The following CREB5 variants were observed in gnomAD, a reference collection of about 807,000 sequenced individuals.
CREB5 encodes the protein cyclic AMP-responsive element-binding protein 5.
A neutral mutation model predicts 57.1 loss-of-function variants in CREB5; 19 were observed. The ratio of observed to expected loss-of-function variants is 0.33; its 90% CI spans 0.23 to 0.49. The LOEUF (loss-of-function observed/expected upper bound fraction) is 0.49. Among genes scored for constraint, CREB5 ranks in the 20% least tolerant of loss-of-function variants. The pLI is 0.99. For missense variants in CREB5, 579 were observed against 671.6 expected, an observed-to-expected ratio of 0.86 and a Z score of 1.52; for synonymous variants, 238 against 238.3, an observed-to-expected ratio of 1.00 and a Z score of 0.01.
chr7:28,692,511 G>A (rs112238189), intron 5 of CREB5, among the ~76,000 whole-genome samples: 45 of 152,288 alleles, frequency 3.0e-4, no homozygotes, highest in African/African-American at 1.0e-3. Context: ...GATTTAAAAG[G>A]CCTGGATTCA....
chr7:28,545,642 G>A (rs1032963841), intron 4 of CREB5, among the ~76,000 whole-genome samples: 4 of 152,112 alleles, frequency 2.6e-5, no homozygotes, highest in Non-Finnish European at 5.9e-5. Context: ...TATTAAAATT[G>A]TTTTCAAACC....
At chr7:28,513,991 A>C (rs1328443068) in intron 4 of CREB5, among the ~76,000 whole-genome samples, 1 of 152,110 alleles carries the variant, frequency 6.6e-6, no homozygotes, top group African/African-American at 2.4e-5. Flanking sequence ...CAAAGAGTGG[A>C]CACTTAATAT....
At chr7:28,646,872 A>G (rs1798909154) in intron 5 of CREB5, among the ~76,000 whole-genome samples, 1 of 152,056 alleles carries the variant, frequency 6.6e-6, no homozygotes, top group Non-Finnish European at 1.5e-5. Context: ...AGTAGCTACC[A>G]GTACAACAAC....
intron 1 of CREB5, among the ~76,000 whole-genome samples, chr7:28,479,661 C>A (rs1251237138): frequency 1.3e-5 from 2 of 152,168 alleles, no homozygotes; most frequent in East Asian, 3.9e-4. Context: ...AGGCTCAGAA[C>A]ACAACTGCTG....
rs1236994986 is a variant in CREB5 at position 28,551,710 on chromosome 7, A to G, written c.292-18655A>G. ...TTGGTGAGTCGGGAGGGGACAAGGG[A>G]GGAGAACTCACTGTCTCAGGCCTCC... On this transcript the variant is annotated intron_variant, in intron 4 of 10. Transcript: ENST00000357727. 2.6e-5 allele frequency among the ~76,000 whole-genome samples: 4 copies of G among 152,090 alleles called. No homozygotes were observed. The East Asian group carries it at 7.7e-4, about 29-fold the overall frequency.
chr7:28,612,443 T>G (rs1583417478), intron 5 of CREB5, among the ~76,000 whole-genome samples: 1 of 152,092 alleles, frequency 6.6e-6, no homozygotes. Flanking sequence ...AAAAAATGTA[T>G]GCTGTGCTGA....
At position 28,786,751 on chromosome 7, in the gene CREB5, G is replaced by C. The variant is rs1005223065; in HGVS notation, c.703-17448G>C. On this transcript the variant is annotated intron_variant, in intron 7 of 10. Transcript: ENST00000357727. ...TTTGGTTGATTGTTTGAAAATTGAA[G>C]TATTAAAGCCACTACCTAACTCAGG... Among the ~76,000 whole-genome samples the C allele has an allele frequency of 3.3e-5, 5 of 152,206 alleles. No homozygotes were observed. The South Asian group carries it at 1.0e-3, about 32-fold the overall frequency.
chr7:28,419,973 C>T (rs1406486758), intron 1 of CREB5, among the ~76,000 whole-genome samples: 2 of 152,162 alleles, frequency 1.3e-5, no homozygotes, highest in Non-Finnish European at 2.9e-5. Flanking sequence ...CATGAAGCAG[C>T]ATGTAATTTG....
intron 5 of CREB5, among the ~76,000 whole-genome samples, chr7:28,686,812 T>C (rs1800957655): frequency 6.6e-6 from 1 of 152,230 alleles, no homozygotes; most frequent in Non-Finnish European, 1.5e-5. Context: ...ACGCTCCTTT[T>C]TTATCTTTTA....
At chr7:28,651,860 T>A (rs551805503) in intron 5 of CREB5, among the ~76,000 whole-genome samples, 34 of 152,202 alleles carry the variant, frequency 2.2e-4, no homozygotes, top group Admixed American at 8.5e-4. Context: ...AAACTCATGG[T>A]TCTAGGTAGC....
At chr7:28,518,617 T>C (rs1190117780) in intron 4 of CREB5, among the ~76,000 whole-genome samples, 3 of 152,178 alleles carry the variant, frequency 2.0e-5, no homozygotes, top group Non-Finnish European at 4.4e-5. Context: ...GTGGTGGGCA[T>C]GCGAGTCCCA....
At chr7:28,408,229 C>G (rs1787631752), upstream of CREB5, among the ~76,000 whole-genome samples, 1 of 152,164 alleles carries the variant, frequency 6.6e-6, no homozygotes, top group Non-Finnish European at 1.5e-5. Context: ...ATTATAATAC[C>G]TGTCCTACTT....
chr7:28,468,300 C>T (rs1030650232), intron 1 of CREB5, among the ~76,000 whole-genome samples: 2 of 152,196 alleles, frequency 1.3e-5, no homozygotes, highest in Admixed American at 6.5e-5. Flanking sequence ...GGAAAGTTCA[C>T]GGTCACTGCA....
chr7:28,822,021 A>G lies in CREB5; in HGVS notation c.*2742A>G, dbSNP rs1809797191. On this transcript the variant is annotated 3_prime_UTR_variant, in exon 11 of 11. Coordinates refer to ENST00000357727, the MANE Select transcript of CREB5 (RefSeq NM_182898.4). Reference sequence around the variant, plus strand: ...GTTAGGCTGAAAGCCTCGGCAGTTAAGAACTTGCCTGAGTTTTCTTCGTTC... The same window carrying G: ...GTTAGGCTGAAAGCCTCGGCAGTTAGGAACTTGCCTGAGTTTTCTTCGTTC... 1 of 152,612 alleles carries G rather than the reference A, an allele frequency of 6.6e-6. No homozygotes were observed. Among genetic ancestry groups the G allele is most frequent in the Admixed American group, 6.5e-5 (1 of 15,290 alleles). 9.5% of individuals were successfully genotyped at this position (152,612 alleles called of 1,614,324 possible). A position where few individuals can be genotyped will look rare whatever the true frequency, so the allele number is the denominator to read the frequency against.
chr7:28,626,166 C>A (rs536128497), intron 5 of CREB5, among the ~76,000 whole-genome samples: 41 of 152,284 alleles, frequency 2.7e-4, no homozygotes, highest in South Asian at 1.0e-3. Flanking sequence ...GTAGAGATCA[C>A]TACATAAGTC....
chr7:28,560,915 C>CGCGCGTGCGTGCGCGT (rs1795176026), intron 4 of CREB5, among the ~76,000 whole-genome samples: 1 of 16,876 alleles, frequency 5.9e-5, no homozygotes, highest in Admixed American at 5.7e-4. Context: ...CGTGCGTGTG[C>CGCGCGTGCGTGCGCGT]GTGTGTGCGC....
intron 5 of CREB5, among the ~76,000 whole-genome samples, chr7:28,610,938 C>T (rs893652854): frequency 6.6e-6 from 1 of 150,558 alleles, no homozygotes; most frequent in African/African-American, 2.4e-5. Flanking sequence ...TTATGTATGG[C>T]TGTCTGTGGG....
intron 1 of CREB5, among the ~76,000 whole-genome samples, chr7:28,312,135 T>C (rs944845338): frequency 9.9e-5 from 15 of 152,036 alleles, no homozygotes; most frequent in Non-Finnish European, 1.8e-4. Flanking sequence ...TGCTCTTCCT[T>C]TGGGGTCATT....
chr7:28,372,094 C>A (rs1271418630), intron 1 of CREB5, among the ~76,000 whole-genome samples: 1 of 152,184 alleles, frequency 6.6e-6, no homozygotes, highest in African/African-American at 2.4e-5. Flanking sequence ...TCAGGTCACA[C>A]TAGCTCTGTG....
Sources: gnomAD v4.1 joint callset for allele counts (sites outside exome capture counted in the v4.1 genomes callset) on GRCh38, gnomAD v4.1.1 for gene constraint, MANE v1.5 for transcripts, NCBI Gene and HGNC (gene_info 2026-07-23, HGNC 2026-07-21) for gene names.